Variants in PSMD1 observed in about 807,000 individuals in gnomAD.
PSMD1 encodes proteasome 26S subunit, non-ATPase 1, also known as 26S proteasome non-ATPase regulatory subunit 1.
PSMD1 carries 18 observed loss-of-function variants against 119.0 expected under a neutral mutation model. That is an observed-to-expected ratio of 0.15 (90% confidence interval 0.10 to 0.22). The LOEUF (loss-of-function observed/expected upper bound fraction) is 0.22, where lower values mean the gene tolerates loss of function less well. PSMD1 is among the 10% of genes least tolerant of loss of function. The pLI is 1.00. For synonymous variants in PSMD1, 374 were observed against 396.6 expected, an observed-to-expected ratio of 0.94 and a Z score of 0.68; for missense variants, 702 against 1,158.5, an observed-to-expected ratio of 0.61 and a Z score of 5.72.
chr2:231,121,147 T>A (rs760655223), intron 16 of PSMD1, among the ~76,000 whole-genome samples: 7 of 152,224 alleles, frequency 4.6e-5, no homozygotes, highest in Non-Finnish European at 2.9e-5. Context: ...TGTTCATTTT[T>A]TAAAAATCTA....
chr2:231,102,892 A>G (rs1004629135), intron 16 of PSMD1, among the ~76,000 whole-genome samples: 1 of 142,224 alleles, frequency 7.0e-6, no homozygotes, highest in Non-Finnish European at 1.6e-5. Context: ...GTTATAGCTT[A>G]TTTATTATAT....
At chr2:231,063,084 G>C (rs1016615304) in intron 4 of PSMD1, among the ~76,000 whole-genome samples, 1 of 152,120 alleles carries the variant, frequency 6.6e-6, no homozygotes, top group African/African-American at 2.4e-5. Context: ...TTACAGATGA[G>C]ACAACTTGGA....
At chr2:231,129,721 A>T (rs780288848) in intron 16 of PSMD1, among the ~76,000 whole-genome samples, 1 of 152,252 alleles carries the variant, frequency 6.6e-6, no homozygotes, top group Non-Finnish European at 1.5e-5. Flanking sequence ...ATATGGAGGT[A>T]CGAAGAACAA....
intron 16 of PSMD1, among the ~76,000 whole-genome samples, chr2:231,102,364 G>A (rs1418257050): frequency 6.6e-6 from 1 of 152,096 alleles, no homozygotes; most frequent in Non-Finnish European, 1.5e-5. Context: ...ACGGGAGTTA[G>A]CATCACTGAC....
chr2:231,114,133 T>C (rs1454992863), intron 16 of PSMD1, among the ~76,000 whole-genome samples: 1 of 152,238 alleles, frequency 6.6e-6, no homozygotes, highest in Non-Finnish European at 1.5e-5. Context: ...ATACATTTTC[T>C]ATTTTGCATA....
At chr2:231,161,071 G>A (rs762337360) in intron 19 of PSMD1, among the ~76,000 whole-genome samples, 26 of 151,940 alleles carry the variant, frequency 1.7e-4, no homozygotes, top group Non-Finnish European at 3.4e-4. Flanking sequence ...AATCAGCCAG[G>A]TGTGGCGGCC....
At chr2:231,113,617 G>A in intron 16 of PSMD1, 1 of 890,960 alleles carries the variant, frequency 1.1e-6, no homozygotes, top group Non-Finnish European at 1.9e-6. Flanking sequence ...GTATCAGTAG[G>A]CTGGCTTGAC....
At chr2:231,122,814 T>A (rs956736518) in intron 16 of PSMD1, among the ~76,000 whole-genome samples, 1 of 152,154 alleles carries the variant, frequency 6.6e-6, no homozygotes, top group South Asian at 2.1e-4. Flanking sequence ...CGATAGATCA[T>A]CTCTTTGGAC....
At position 231,153,621 on chromosome 2, in the gene PSMD1, A is replaced by G. The variant is rs531084556; in HGVS notation, c.2173A>G (p.Met725Val). 1.2e-6 allele frequency: 2 copies of G among 1,614,048 alleles called. No individual in the cohort carries two copies. Among genetic ancestry groups the G allele is most frequent in the Non-Finnish European group, 1.7e-6 (2 of 1,179,936 alleles). Reference protein sequence around the residue: ...KVINDKHDDVMAKFGAILAQG... With the variant: ...KVINDKHDDVVAKFGAILAQG... ...CATCAATGATAAGCATGATGATGTC[A>G]TGGCCAAGTTTGGCGCTATTCTGGC... Residue 725 changes from methionine to valine, a missense_variant, in exon 19 of 25, where the codon ATG (methionine) becomes GTG (valine). Met to Val is a conservative substitution (Grantham distance 21). Coordinates refer to ENST00000308696, the MANE Select transcript of PSMD1 (RefSeq NM_002807.4).
intron 16 of PSMD1, among the ~76,000 whole-genome samples, chr2:231,090,942 C>G (rs1299070767): frequency 6.6e-6 from 1 of 152,180 alleles, no homozygotes; most frequent in Admixed American, 6.5e-5. Flanking sequence ...CCTGAAGATG[C>G]TGTCGACATT....
Position 231,123,837 on chromosome 2 carries a change from T to G in PSMD1, c.1884-14899T>G. Reference sequence around the variant, plus strand: ...GGTTAGTAGCTAAGCTGCTCATCTGTTTTTTTAAGGCATTGTAACCATGCC... The same window carrying G: ...GGTTAGTAGCTAAGCTGCTCATCTGGTTTTTTAAGGCATTGTAACCATGCC... On this transcript the variant is annotated intron_variant, in intron 16 of 24. Transcript: ENST00000308696. 4 of 1,172,092 alleles carry G rather than the reference T, an allele frequency of 3.4e-6. No individual in the cohort carries two copies. In the South Asian group the frequency reaches 4.9e-5, roughly 14 times the overall value. 72.6% of individuals were successfully genotyped at this position (1,172,092 alleles called of 1,614,324 possible).
At chr2:231,090,404 C>A (rs376352625) in intron 16 of PSMD1, among the ~76,000 whole-genome samples, 1 of 152,056 alleles carries the variant, frequency 6.6e-6, no homozygotes, top group East Asian at 1.9e-4. Context: ...ACTAAAAATA[C>A]AAAAATTAGC....
At chr2:231,131,362 G>A (rs1447820640) in intron 16 of PSMD1, among the ~76,000 whole-genome samples, 1 of 152,080 alleles carries the variant, frequency 6.6e-6, no homozygotes, top group East Asian at 1.9e-4. Context: ...TTTATTAACT[G>A]TTCCTTTAAA....
intron 4 of PSMD1, among the ~76,000 whole-genome samples, chr2:231,063,966 T>C (rs941684774): frequency 6.6e-5 from 10 of 151,386 alleles, no homozygotes; most frequent in Non-Finnish European, 1.3e-4. Context: ...CAGCCAGCCT[T>C]TTTTTTTTCT....
chr2:231,155,815 A>G (rs750560219), intron 19 of PSMD1, among the ~76,000 whole-genome samples: 60 of 151,858 alleles, frequency 4.0e-4, no homozygotes, highest in Non-Finnish European at 8.8e-5. Flanking sequence ...CTTTCTTTTT[A>G]ATTTAAAAAA....
At chr2:231,159,949 G>A (rs893926851) in intron 19 of PSMD1, among the ~76,000 whole-genome samples, 29 of 152,192 alleles carry the variant, frequency 1.9e-4, no homozygotes, top group Admixed American at 1.9e-3. Context: ...AGAATCTAAT[G>A]CCACAGCTGA....
chr2:231,060,417 G>A (rs1209586740), intron 1 of PSMD1: 4 of 152,218 alleles, frequency 2.6e-5, no homozygotes, highest in Non-Finnish European at 4.4e-5. Flanking sequence ...TCAACTCGGT[G>A]TTCTGGAATG....
chr2:231,083,091 C>T (rs1694353125), intron 13 of PSMD1, 97 bp downstream of exon 13: 4 of 913,888 alleles, frequency 4.4e-6, no homozygotes, highest in Non-Finnish European at 6.5e-6. Context: ...TCTTAAAATT[C>T]CGATGGATTT....
chr2:231,133,638 G>C lies in PSMD1; in HGVS notation c.1884-5098G>C, dbSNP rs915854859. 4.6e-5 allele frequency: 7 copies of C among 152,086 alleles called. 1 individual carries two copies. In the South Asian group the frequency reaches 1.2e-3, roughly 27 times the overall value. 9.4% of individuals were successfully genotyped at this position (152,086 alleles called of 1,614,324 possible). On this transcript the variant is annotated intron_variant, in intron 16 of 24. Coordinates refer to ENST00000308696, the MANE Select transcript of PSMD1 (RefSeq NM_002807.4). Reference sequence around the variant, plus strand: ...CTTTCAGGTAGTTCCCTGGGGTCAGGGGGGAAGAATTCCCTCTGTGATAGC... The same window carrying C: ...CTTTCAGGTAGTTCCCTGGGGTCAGCGGGGAAGAATTCCCTCTGTGATAGC...
Sources: allele counts gnomAD v4.1 joint callset (sites outside exome capture counted in the v4.1 genomes callset), GRCh38; gene constraint gnomAD v4.1.1; transcripts MANE v1.5; gene names NCBI Gene and HGNC (gene_info 2026-07-23, HGNC 2026-07-21).